The following DHCR24 variants were observed in gnomAD, a reference collection of about 807,000 sequenced individuals.
The protein encoded by DHCR24 is 24-dehydrocholesterol reductase.
A neutral mutation model predicts 61.2 loss-of-function variants in DHCR24; 28 were observed. The ratio of observed to expected loss-of-function variants is 0.46; its 90% confidence interval spans 0.34 to 0.63. The LOEUF (loss-of-function observed/expected upper bound fraction) is 0.63, where lower values mean the gene tolerates loss of function less well. Among genes scored for constraint, DHCR24 ranks in the 20% least tolerant of loss-of-function variants. The probability of loss-of-function intolerance (pLI) is 0.01; values close to 1 mark genes in which losing one functional copy is unlikely to be tolerated. For missense variants in DHCR24, 538 were observed against 679.1 expected, an observed-to-expected ratio of 0.79 and a Z score of 2.31; for synonymous variants, 261 against 275.9, an observed-to-expected ratio of 0.95 and a Z score of 0.54.
chr1:54,885,402 G>A lies in DHCR24; in HGVS notation c.231+1487C>T, dbSNP rs559278980. On this transcript the variant is annotated intron_variant, in intron 1 of 8. Coordinates refer to ENST00000371269, the MANE Select transcript of DHCR24 (RefSeq NM_014762.4). ...TAGGTCAGACAGCTATTACAAGCCA[G>A]GTGTGAGGCAACTGAACCAGACCTA... 2.0e-5 allele frequency among the ~76,000 whole-genome samples: 3 copies of A among 152,312 alleles called. No individual in the cohort carries two copies. In the East Asian group the frequency reaches 5.8e-4, roughly 29 times the overall value.
chr1:54,871,365 C>T lies in DHCR24; in HGVS notation c.861G>A (p.Glu287=), dbSNP rs1646997877. The T allele has an allele frequency of 1.9e-6, 3 of 1,614,084 alleles. No homozygotes were observed. In the East Asian group the frequency reaches 6.7e-5, roughly 36 times the overall value. Residue 287 remains glutamate (E), a synonymous_variant, in exon 5 of 9, where the codon GAG becomes GAA. Coordinates refer to ENST00000371269, the MANE Select transcript of DHCR24 (RefSeq NM_014762.4). The stretch of plus-strand genomic sequence containing the variant: ...CCTGGCTTACCTTGCTGGGCTCTGC[C>T]TCATCTGTCATGACCCCTGTCATAA... ...AVIMTGVMTD[E]AEPSKLNSIG...
rs764721170 is a variant in DHCR24, at chr1:54,852,400, G to T, written c.1398-14C>A. 6.2e-7 allele frequency: 1 copy of T among 1,613,738 alleles called. No homozygotes were observed. On this transcript the variant is annotated splice_polypyrimidine_tract_variant and intron_variant, in intron 8 of 8. Coordinates refer to ENST00000371269, the MANE Select transcript of DHCR24 (RefSeq NM_014762.4). ...AGCATCTGGAAGCTGCAGAGGCAGAGAAGTGGGTGAGGACGCCAGGAGGCA... is the reference window on the plus strand; with the variant it reads ...AGCATCTGGAAGCTGCAGAGGCAGATAAGTGGGTGAGGACGCCAGGAGGCA...
intron 1 of DHCR24, chr1:54,886,587 C>T (rs1444413492): frequency 2.1e-6 from 3 of 1,417,048 alleles, no homozygotes; most frequent in Non-Finnish European, 2.8e-6. Flanking sequence ...GCCTTTCCTT[C>T]TCTGAAATGC....
intron 6 of DHCR24, among the ~76,000 whole-genome samples, chr1:54,860,873 A>T (rs1646933312): frequency 1.0e-5 from 1 of 99,872 alleles, no homozygotes; most frequent in African/African-American, 2.8e-5. Context: ...CTGTAGTCCC[A>T]GCTACTCGGG....
chr1:54,880,333 T>G (rs1647057439), intron 2 of DHCR24, among the ~76,000 whole-genome samples: 1 of 152,196 alleles, frequency 6.6e-6, no homozygotes, highest in Non-Finnish European at 1.5e-5. Flanking sequence ...ATTGAATTTG[T>G]GCTTAAAAAC....
intron 8 of DHCR24, 74 bp downstream of exon 8, chr1:54,853,360 C>T (rs1646888346): frequency 2.5e-6 from 4 of 1,585,666 alleles, no homozygotes; most frequent in African/African-American, 2.7e-5. Context: ...CTCCATAGAG[C>T]TGGCCTCATT....
intron 5 of DHCR24, among the ~76,000 whole-genome samples, chr1:54,867,449 T>C (rs1042906082): frequency 2.0e-5 from 3 of 152,274 alleles, no homozygotes; most frequent in East Asian, 1.9e-4. Flanking sequence ...AATATCCCTC[T>C]GCTGCTGATT....
Position 54,851,633 on chromosome 1 carries a change from CG to C in DHCR24, c.*599del. 1 of 155,624 alleles carries C rather than the reference CG, an allele frequency of 6.4e-6. No homozygotes were observed. Among genetic ancestry groups the C allele is most frequent in the South Asian group, 2.0e-4 (1 of 4,986 alleles). The allele number at this position is 155,624 out of a possible 1,614,324, so 9.6% of individuals were successfully genotyped here. ...GGCCTCGGACCTGGCTTTGGCACAG[CG>C]CATCTGGGGCCTCCCCACTCCGTGG... is the stretch of plus-strand genomic sequence containing the variant. On this transcript the variant is annotated 3_prime_UTR_variant, in exon 9 of 9. Transcript: ENST00000371269.
chr1:54,862,475 T>C (rs675320), intron 6 of DHCR24, among the ~76,000 whole-genome samples: 3,864 of 152,270 alleles, frequency 0.025, 163 homozygotes, highest in East Asian at 0.079. Flanking sequence ...TTCCCTTAGC[T>C]TCCGGGATGC....
Position 54,879,322 on chromosome 1 carries a change from G to GGAAAAAAAAAAAAAAAA in DHCR24, c.388-3276_388-3275insTTTTTTTTTTTTTTTTC, listed in dbSNP as rs1647052099. 1.8e-5 allele frequency among the ~76,000 whole-genome samples: 2 copies of GGAAAAAAAAAAAAAAAA among 108,536 alleles called. 1 individual carries two copies. The highest frequency in any genetic ancestry group is 3.5e-5 in the Non-Finnish European group (2 of 56,340). The allele number at this position is 108,536 out of a possible 152,430, so 71.2% of individuals were successfully genotyped here. On this transcript the variant is annotated intron_variant, in intron 2 of 8. Transcript: ENST00000371269. ...TGGAGGACAGAGCAAGACTCCATCT[G>GGAAAAAAAAAAAAAAAA]AAAAAAAAAAAAAAAAAAAAAAAAA...
chr1:54,886,875 C>G lies in DHCR24; in HGVS notation c.231+14G>C. On this transcript the variant is annotated intron_variant, in intron 1 of 8. Transcript: ENST00000371269. ...CTCCGGCCCTGAGTCCCGGCCGCAC[C>G]CGGCGCCGCTCACCTGCTTCTGGAT... 1 of 1,611,104 alleles carries G rather than the reference C, an allele frequency of 6.2e-7. No homozygotes were observed. The highest frequency in any genetic ancestry group is 8.5e-7 in the Non-Finnish European group (1 of 1,179,016).
rs1288184075 is a variant in DHCR24 at position 54,871,419 on chromosome 1, C to A, written c.807G>T (p.Gly269=). ...CAGCCTCATCCAGGGAGTAGAGCAG[C>A]CCTTCCACGAAGTGGTTCTCCTGCC... ...SQRQENHFVE[G]LLYSLDEAVI... The change falls in exon 5 of 9, where the codon GGG becomes GGT. Residue 269 remains glycine (G), a synonymous_variant. Coordinates refer to ENST00000371269, the MANE Select transcript of DHCR24 (RefSeq NM_014762.4). 4 of 1,614,078 alleles carry A rather than the reference C, an allele frequency of 2.5e-6. No individual in the cohort carries two copies. The South Asian group carries it at 4.4e-5, about 18-fold the overall frequency.
intron 5 of DHCR24, among the ~76,000 whole-genome samples, chr1:54,868,854 C>T (rs960614045): frequency 1.2e-4 from 19 of 152,222 alleles, no homozygotes; most frequent in African/African-American, 4.6e-4. Context: ...ATCACCTGAG[C>T]TCAGAAGTTC....
intron 5 of DHCR24, among the ~76,000 whole-genome samples, chr1:54,866,311 A>G (rs1646967684): frequency 6.6e-6 from 1 of 151,874 alleles, no homozygotes; most frequent in Admixed American, 6.6e-5. Flanking sequence ...TCTATTAGAA[A>G]TTACATACAT....
intron 6 of DHCR24, among the ~76,000 whole-genome samples, chr1:54,861,471 C>G (rs78647471): frequency 0.076 from 11,563 of 152,174 alleles, 543 homozygotes; most frequent in Admixed American, 0.13. Context: ...TCCTAGCTTA[C>G]GCCCTCTAGT....
At position 54,852,360 on chromosome 1, in the gene DHCR24, T is replaced by C. The variant is rs774740412; in HGVS notation, c.1424A>G (p.Tyr475Cys). Reference sequence around the variant, plus strand: ...CTCCCAGAACTCCTCCCGGTTCATGTAGCAGTCGGCATACAGCATCTGGAA... The same window carrying C: ...CTCCCAGAACTCCTCCCGGTTCATGCAGCAGTCGGCATACAGCATCTGGAA... ...HGFQMLYADC[Y>C]MNREEFWEMF... The change falls in exon 9 of 9, where the codon TAC (tyrosine) becomes TGC (cysteine). Residue 475 changes from tyrosine to cysteine, a missense_variant. Physicochemically the swap from Tyr to Cys is radical, Grantham distance 194. Transcript: ENST00000371269. 1 of 1,614,158 alleles carries C rather than the reference T, an allele frequency of 6.2e-7. No homozygotes were observed. The highest frequency in any genetic ancestry group is 8.5e-7 in the Non-Finnish European group (1 of 1,180,044).
intron 5 of DHCR24, 120 bp downstream of exon 5, chr1:54,871,230 T>C: frequency 7.9e-7 from 1 of 1,265,608 alleles, no homozygotes; most frequent in Non-Finnish European, 1.1e-6. Flanking sequence ...CCCAGGTGGG[T>C]TGACCCAGGC....
rs951511490 is a variant in DHCR24 at position 54,853,728 on chromosome 1, C to T, written c.1219-116G>A. 3.2e-5 allele frequency: 39 copies of T among 1,215,720 alleles called. No homozygotes were observed. The Middle Eastern group carries it at 1.3e-3, about 41-fold the overall frequency. 75.3% of individuals were successfully genotyped at this position (1,215,720 alleles called of 1,614,324 possible). A position where few individuals can be genotyped will look rare whatever the true frequency, so the allele number is the denominator to read the frequency against. On this transcript the variant is annotated intron_variant, in intron 7 of 8. Coordinates refer to ENST00000371269, the MANE Select transcript of DHCR24 (RefSeq NM_014762.4). Reference sequence around the variant, plus strand: ...CTTTGCAGCATTCTCAAGACCCCCTCAGGTGCTCTCAGCTTCACTGCCCCG... The same window carrying T: ...CTTTGCAGCATTCTCAAGACCCCCTTAGGTGCTCTCAGCTTCACTGCCCCG...
At position 54,871,385 on chromosome 1, in the gene DHCR24, T is replaced by C; in HGVS notation, c.841A>G (p.Thr281Ala). 1 of 1,614,080 alleles carries C rather than the reference T, an allele frequency of 6.2e-7. No homozygotes were observed. The highest frequency in any genetic ancestry group is 8.5e-7 in the Non-Finnish European group (1 of 1,180,000). The change falls in exon 5 of 9, where the codon ACA becomes GCA. Residue 281 changes from threonine (T) to alanine (A), a missense_variant. Coordinates refer to ENST00000371269, the MANE Select transcript of DHCR24 (RefSeq NM_014762.4). Reference sequence around the variant, plus strand: ...TCTGCCTCATCTGTCATGACCCCTGTCATAATGACAGCCTCATCCAGGGAG... The same window carrying C: ...TCTGCCTCATCTGTCATGACCCCTGCCATAATGACAGCCTCATCCAGGGAG... The part of the protein sequence containing the change: ...LYSLDEAVIM[T>A]GVMTDEAEPS...
Sources: allele counts gnomAD v4.1 joint callset (sites outside exome capture counted in the v4.1 genomes callset), GRCh38; gene constraint gnomAD v4.1.1; transcripts MANE v1.5; gene names NCBI Gene and HGNC (gene_info 2026-07-23, HGNC 2026-07-21).